GPC5: variants seen among roughly 807,000 people sequenced by gnomAD.
GPC5 encodes the protein glypican 5.
GPC5 carries 47 observed loss-of-function variants against 53.9 expected under a neutral mutation model. The ratio of observed to expected loss-of-function variants is 0.87; its 90% confidence interval spans 0.69 to 1.11. The LOEUF (loss-of-function observed/expected upper bound fraction) is 1.11, where lower values mean the gene tolerates loss of function less well. Among genes scored for constraint, GPC5 ranks in the 50% most tolerant of loss-of-function variants. The pLI, the probability that GPC5 is intolerant of heterozygous loss-of-function variation, is 0.00. For missense variants in GPC5, 748 were observed against 713.1 expected (o/e 1.05, Z -0.56); for synonymous variants, 286 against 263.3 (o/e 1.09, Z -0.84).
intron 2 of GPC5, among the ~76,000 whole-genome samples, chr13:91,675,910 C>T (rs530620623): frequency 6.6e-6 from 1 of 152,140 alleles, no homozygotes; most frequent in Non-Finnish European, 1.5e-5. Context: ...GAATATCTCA[C>T]TCCAGGGTGG....
intron 7 of GPC5, among the ~76,000 whole-genome samples, chr13:92,461,255 C>A (rs1225699451): frequency 6.6e-6 from 1 of 152,070 alleles, no homozygotes; most frequent in East Asian, 1.9e-4. Flanking sequence ...TTAATTGATT[C>A]AACGAATATG....
intron 7 of GPC5, among the ~76,000 whole-genome samples, chr13:92,810,663 A>T (rs1026837566): frequency 1.3e-5 from 2 of 151,906 alleles, no homozygotes; most frequent in Non-Finnish European, 2.9e-5. Context: ...TCTATTTTAG[A>T]TACTTCATAT....
chr13:92,178,882 A>T (rs981541861), intron 7 of GPC5, among the ~76,000 whole-genome samples: 19 of 152,132 alleles, frequency 1.2e-4, no homozygotes, highest in Non-Finnish European at 8.8e-5. Flanking sequence ...GAAGCAGGAG[A>T]ATCGCTTGAA....
rs145199435 is a variant in GPC5, at chr13:91,728,575, G to A, written c.1064G>A (p.Ser355Asn). Residue 355 changes from serine (S) to asparagine (N), a missense_variant, in exon 4 of 8, where the codon AGC becomes AAC. Physicochemically the swap from Ser to Asn is conservative, Grantham distance 46. Transcript: ENST00000377067. ...CGCCCTGTAAGAACACCCACACAAA[G>A]CCCCCGTTGTTCTTTTGATCAGAGC... The part of the protein sequence containing the change: ...CGRPVRTPTQ[S>N]PRCSFDQSKE... 3,925 of 1,612,628 alleles carry A rather than the reference G, an allele frequency of 2.4e-3. 8 individuals carry two copies. The highest frequency in any genetic ancestry group is 4.6e-3 in the Middle Eastern group (28 of 6,056).
chr13:92,324,097 A>G (rs2043234139), intron 7 of GPC5, among the ~76,000 whole-genome samples: 1 of 151,978 alleles, frequency 6.6e-6, no homozygotes, highest in Non-Finnish European at 1.5e-5. Context: ...CTTAGTAAAG[A>G]TTTATGAATG....
chr13:91,508,709 T>G (rs9589266), intron 2 of GPC5, among the ~76,000 whole-genome samples: 2,308 of 152,316 alleles, frequency 0.015, 48 homozygotes, highest in African/African-American at 0.05. Context: ...GACAACTGAC[T>G]ATAAACATAT....
rs6145177 is a variant in GPC5 at position 92,422,488 on chromosome 13, T to TCACACACA, written c.1561+277536_1561+277543dup. 1.4e-3 allele frequency among the ~76,000 whole-genome samples: 192 copies of TCACACACA among 133,384 alleles called. 1 individual carries two copies. The highest frequency in any genetic ancestry group is 8.7e-3 in the South Asian group (33 of 3,814). 87.5% of individuals were successfully genotyped at this position (133,384 alleles called of 152,430 possible). On this transcript the variant is annotated intron_variant, in intron 7 of 7. Transcript: ENST00000377067. ...TCTGTAAGCACCACCCATCACCATC[T>TCACACACA]CACACACACACACACACACACACAC...
At chr13:92,512,273 G>A (rs1015314608) in intron 7 of GPC5, among the ~76,000 whole-genome samples, 2 of 152,000 alleles carry the variant, frequency 1.3e-5, no homozygotes, top group African/African-American at 4.8e-5. Context: ...CGTACGCTGT[G>A]TGCATGCACG....
chr13:91,485,763 A>G (rs993223506), intron 2 of GPC5: 1 of 152,224 alleles, frequency 6.6e-6, no homozygotes, highest in Non-Finnish European at 1.5e-5. Context: ...AAATAGGGTC[A>G]GCATTTTCAA....
intron 3 of GPC5, among the ~76,000 whole-genome samples, chr13:91,722,227 T>C (rs1030161633): frequency 1.3e-5 from 2 of 152,228 alleles, no homozygotes; most frequent in African/African-American, 4.8e-5. Flanking sequence ...TATTCCTGAC[T>C]TTGAGAGAGC....
At chr13:92,629,932 G>A (rs1004635057) in intron 7 of GPC5, among the ~76,000 whole-genome samples, 2 of 152,258 alleles carry the variant, frequency 1.3e-5, no homozygotes, top group Middle Eastern at 3.4e-3. Flanking sequence ...GAAGCCTTGA[G>A]GAAAAACAAC....
In GPC5 at chr13:92,246,786, G is replaced by A. The variant is rs140918501; in HGVS notation, c.1561+101797G>A. 7.0e-4 allele frequency among the ~76,000 whole-genome samples: 107 copies of A among 152,226 alleles called. 1 individual carries two copies. The highest frequency in any genetic ancestry group is 2.4e-3 in the African/African-American group (100 of 41,548). ...AAATGTTCTGTTAGAGTTTATCACA[G>A]TTAGACACAGTGTAATGTTTTTCAA... is the stretch of plus-strand genomic sequence containing the variant. On this transcript the variant is annotated intron_variant, in intron 7 of 7. Transcript: ENST00000377067.
chr13:92,662,688 C>T (rs369687429), intron 7 of GPC5, among the ~76,000 whole-genome samples: 1 of 152,142 alleles, frequency 6.6e-6, no homozygotes, highest in Non-Finnish European at 1.5e-5. Context: ...AGTTTATTTC[C>T]CCTTGAGGTT....
intron 7 of GPC5, among the ~76,000 whole-genome samples, chr13:92,273,269 AAT>A (rs1045986913): frequency 6.6e-6 from 1 of 152,052 alleles, no homozygotes; most frequent in Non-Finnish European, 1.5e-5. Flanking sequence ...CTATCTATTG[AAT>A]TAATCAATGG....
At chr13:92,299,516 A>G (rs1346291538) in intron 7 of GPC5, among the ~76,000 whole-genome samples, 4 of 152,202 alleles carry the variant, frequency 2.6e-5, no homozygotes, top group Admixed American at 1.3e-4. Flanking sequence ...AAATACTGAA[A>G]TTTCTGAGAA....
At chr13:92,269,628 G>A (rs1014946738) in intron 7 of GPC5, among the ~76,000 whole-genome samples, 33 of 152,090 alleles carry the variant, frequency 2.2e-4, no homozygotes, top group Non-Finnish European at 4.3e-4. Flanking sequence ...GGATGGTCTC[G>A]ATCTCCTGAC....
chr13:91,539,948 G>T (rs557199911), intron 2 of GPC5, among the ~76,000 whole-genome samples: 1 of 151,992 alleles, frequency 6.6e-6, no homozygotes, highest in South Asian at 2.1e-4. Flanking sequence ...CTTTAAAATC[G>T]GAAATAAGAC....
intron 6 of GPC5, among the ~76,000 whole-genome samples, chr13:91,961,375 A>T (rs1245079176): frequency 6.6e-6 from 1 of 152,006 alleles, no homozygotes; most frequent in Non-Finnish European, 1.5e-5. Context: ...AACTGAATAG[A>T]GCCCTGACTA....
chr13:92,679,888 C>G (rs980323547), intron 7 of GPC5, among the ~76,000 whole-genome samples: 2 of 137,928 alleles, frequency 1.5e-5, no homozygotes, highest in Admixed American at 7.2e-5. Flanking sequence ...TCCACCCCCC[C>G]ACCCTCCCCA....
Sources: gnomAD v4.1 joint callset for allele counts (sites outside exome capture counted in the v4.1 genomes callset) on GRCh38, gnomAD v4.1.1 for gene constraint, MANE v1.5 for transcripts, NCBI Gene and HGNC (gene_info 2026-07-23, HGNC 2026-07-21) for gene names.